MEIS3: variants seen among roughly 807,000 people sequenced by gnomAD.
MEIS3 encodes Meis homeobox 3, also known as homeobox protein Meis3.
A neutral mutation model predicts 51.4 loss-of-function variants in MEIS3; 38 were observed. The ratio of observed to expected loss-of-function variants is 0.74; its 90% CI spans 0.57 to 0.97. The LOEUF is 0.97. Ranked by LOEUF, MEIS3 falls within the 50% of genes least tolerant of loss-of-function variation. The probability of loss-of-function intolerance (pLI) is 0.00; values close to 1 mark genes in which losing one functional copy is unlikely to be tolerated. For missense variants in MEIS3, 456 were observed against 502.6 expected, an observed-to-expected ratio of 0.91 and a Z score of 0.89; for synonymous variants, 198 against 201.8, an observed-to-expected ratio of 0.98 and a Z score of 0.16.
chr19:47,417,452 T>G (rs1473465204), intron 1 of MEIS3, 102 bp from the exon 2 acceptor site: 1 of 1,407,580 alleles, frequency 7.1e-7, no homozygotes. Flanking sequence ...GAGATGCCCT[T>G]CTGTGTCCCA....
At chr19:47,407,973 A>AT (rs1189049573) in intron 8 of MEIS3, among the ~76,000 whole-genome samples, 4 of 151,930 alleles carry the variant, frequency 2.6e-5, no homozygotes, top group Non-Finnish European at 5.9e-5. Flanking sequence ...TGCCCGACTA[A>AT]TTTTTTGTAT....
At chr19:47,417,883 C>T (rs1025658496) in intron 1 of MEIS3, 15 of 593,144 alleles carry the variant, frequency 2.5e-5, no homozygotes, top group Middle Eastern at 4.2e-4. Flanking sequence ...CACCAACCCA[C>T]GTGCACACTC....
chr19:47,419,281 C>T lies in MEIS3; in HGVS notation c.-200G>A, dbSNP rs1971615069. ...GGGACTCCGCGCATGGACCCCGGCCCCCGCCCCCAGCGGGGGTCACGGCCA... is the reference window on the plus strand; with the variant it reads ...GGGACTCCGCGCATGGACCCCGGCCTCCGCCCCCAGCGGGGGTCACGGCCA... On this transcript the variant is annotated 5_prime_UTR_variant, in exon 1 of 13. Transcript: ENST00000558555. The T allele has an allele frequency of 7.6e-6, 2 of 262,494 alleles. No individual in the cohort carries two copies. Among genetic ancestry groups the T allele is most frequent in the African/African-American group, 2.3e-5 (1 of 43,436 alleles). The allele number at this position is 262,494 out of a possible 1,614,324, so 16.3% of individuals were successfully genotyped here.
chr19:47,407,690 G>C (rs1970916408), intron 8 of MEIS3: 5 of 792,886 alleles, frequency 6.3e-6, no homozygotes, highest in South Asian at 2.6e-5. Context: ...GACTGTGTTG[G>C]GGGAGGGGGC....
chr19:47,421,438 AG>A (rs1381182850), upstream of MEIS3, among the ~76,000 whole-genome samples: 3 of 152,186 alleles, frequency 2.0e-5, no homozygotes, highest in Admixed American at 2.0e-4. Flanking sequence ...CCCCTCTGAA[AG>A]CCTACAGGAG....
chr19:47,407,234 G>A (rs1164893591), intron 9 of MEIS3, 97 bp from the exon 10 acceptor site: 2 of 1,482,504 alleles, frequency 1.3e-6, no homozygotes, highest in Admixed American at 2.3e-5. Context: ...CGGCGGGGGA[G>A]GCAGAGCGGG....
rs112107730 is a variant in MEIS3 at position 47,407,301 on chromosome 19, C to A, written c.935+51G>T. On this transcript the variant is annotated intron_variant, in intron 9 of 12. Coordinates refer to ENST00000558555, the MANE Select transcript of MEIS3 (RefSeq NM_001301059.2). The stretch of plus-strand genomic sequence containing the variant: ...GGGCCTCCGTCAGCACCGCGGACAG[C>A]GCCCGGGCTCTCGCCCCGGGCCGGC... The A allele has an allele frequency of 1.9e-4, 294 of 1,583,278 alleles. 2 individuals are homozygous for A. In the African/African-American group the frequency reaches 3.7e-3, roughly 20 times the overall value.
chr19:47,414,555 G>A (rs567365848), intron 6 of MEIS3, among the ~76,000 whole-genome samples, 162 bp downstream of exon 6: 1 of 152,306 alleles, frequency 6.6e-6, no homozygotes, highest in South Asian at 2.1e-4. Context: ...CCGAGTCTGC[G>A]TAGCTGTTGT....
chr19:47,419,145 C>T lies in MEIS3; in HGVS notation c.-64G>A, dbSNP rs935078290. On this transcript the variant is annotated 5_prime_UTR_variant, in exon 1 of 13. Coordinates refer to ENST00000558555, the MANE Select transcript of MEIS3 (RefSeq NM_001301059.2). ...CCTGGCCGCGGGGGAGGGCGCAGCC[C>T]GGGGCCGCAGCCCCTGACGGCCCGC... 5.6e-5 allele frequency: 67 copies of T among 1,202,890 alleles called. No individual in the cohort carries two copies. The African/African-American group carries it at 9.3e-4, about 17-fold the overall frequency. 74.5% of individuals were successfully genotyped at this position (1,202,890 alleles called of 1,614,324 possible). A position where few individuals can be genotyped will look rare whatever the true frequency, so the allele number is the denominator to read the frequency against.
intron 6 of MEIS3, among the ~76,000 whole-genome samples, chr19:47,411,788 C>T (rs1306773832): frequency 2.6e-5 from 4 of 151,878 alleles, no homozygotes; most frequent in Non-Finnish European, 5.9e-5. Context: ...GATCCACCCC[C>T]CTCAGACTCA....
intron 4 of MEIS3, chr19:47,416,099 G>A (rs116979678): frequency 0.015 from 2,334 of 151,822 alleles, 26 homozygotes; most frequent in South Asian, 0.028. Flanking sequence ...GTCTCGCTAC[G>A]TTGCCCAGGC....
At chr19:47,403,646 G>A (rs982434344) in intron 12 of MEIS3, 93 bp from the exon 13 acceptor site, 4 of 343,372 alleles carry the variant, frequency 1.2e-5, no homozygotes, top group African/African-American at 2.2e-5. Context: ...GCCCCAATGT[G>A]AGGGGGACAC....
rs1400683716 is a variant in MEIS3 at position 47,411,265 on chromosome 19, G to A, written c.598-1718C>T. Among the ~76,000 whole-genome samples, 4 of 152,124 alleles carry A rather than the reference G, an allele frequency of 2.6e-5. No individual in the cohort carries two copies. The East Asian group carries it at 7.7e-4, about 29-fold the overall frequency. ...TCACATTTCTAGGCAATAAATCAGC[G>A]CATACACCATGCAGTTCGCAACCAT... On this transcript the variant is annotated intron_variant, in intron 6 of 12. Coordinates refer to ENST00000558555, the MANE Select transcript of MEIS3 (RefSeq NM_001301059.2).
chr19:47,414,991 G>T, intron 5 of MEIS3, 60 bp downstream of exon 5: 2 of 1,054,784 alleles, frequency 1.9e-6, no homozygotes, highest in Non-Finnish European at 2.7e-6. Flanking sequence ...GGGCAGAGGC[G>T]ACGAGAGGGG....
At chr19:47,407,229 G>GGCC in intron 9 of MEIS3, 92 bp from the exon 10 acceptor site, 10 of 1,497,328 alleles carry the variant, frequency 6.7e-6, no homozygotes, top group Non-Finnish European at 8.1e-6. Context: ...GACAGCGGCG[G>GGCC]GGGAGGCAGA....
chr19:47,409,600 A>T, intron 6 of MEIS3, 53 bp from the exon 7 acceptor site: 1 of 1,331,642 alleles, frequency 7.5e-7, no homozygotes, highest in South Asian at 1.2e-5. Flanking sequence ...GCAGTGGCTC[A>T]CGCCTGTAAT....
intron 6 of MEIS3, among the ~76,000 whole-genome samples, chr19:47,414,174 C>T (rs375742898): frequency 9.9e-5 from 15 of 151,930 alleles, no homozygotes; most frequent in African/African-American, 3.4e-4. Flanking sequence ...GCCAGGGTCA[C>T]GTGTGTGCAA....
chr19:47,414,770 A>G lies in MEIS3; in HGVS notation c.544T>C (p.Cys182Arg), dbSNP rs1971311705. The stretch of plus-strand genomic sequence containing the variant: ...GGGTAGTCCTCGAAGTCCTCCCTGC[A>G]GCCGCCGTCCCGATCCTCGATGACC... ...DLVIEDRDGGCREDFEDYPAS... is the reference protein window; with the variant it reads ...DLVIEDRDGGRREDFEDYPAS... The change falls in exon 6 of 13, where the codon TGC (cysteine) becomes CGC (arginine). Residue 182 changes from cysteine to arginine, a missense_variant. Coordinates refer to ENST00000558555, the MANE Select transcript of MEIS3 (RefSeq NM_001301059.2). 1 of 1,613,092 alleles carries G rather than the reference A, an allele frequency of 6.2e-7. No homozygotes were observed. Among genetic ancestry groups the G allele is most frequent in the African/African-American group, 1.3e-5 (1 of 74,868 alleles).
chr19:47,405,668 G>T (rs1970780690), intron 12 of MEIS3, among the ~76,000 whole-genome samples: 1 of 151,126 alleles, frequency 6.6e-6, no homozygotes, highest in South Asian at 2.1e-4. Flanking sequence ...TCCTGCCTCA[G>T]CCTCCAGAGT....
Sources: gnomAD v4.1 joint callset for allele counts (sites outside exome capture counted in the v4.1 genomes callset) on GRCh38, gnomAD v4.1.1 for gene constraint, MANE v1.5 for transcripts, NCBI Gene and HGNC (gene_info 2026-07-23, HGNC 2026-07-21) for gene names.